The following CDH6 variants were observed in gnomAD, a reference collection of about 807,000 sequenced individuals.
CDH6 encodes cadherin 6.
A neutral mutation model predicts 78.0 loss-of-function variants in CDH6; 31 were observed. The ratio of observed to expected loss-of-function variants is 0.40; its 90% confidence interval spans 0.30 to 0.54. CDH6 has a LOEUF of 0.54. CDH6 is among the 20% of genes least tolerant of loss of function. The pLI, the probability that CDH6 is intolerant of heterozygous loss-of-function variation, is 0.56. For synonymous variants in CDH6, 376 were observed against 368.8 expected, an observed-to-expected ratio of 1.02 and a Z score of -0.23; for missense variants, 724 against 975.9, an observed-to-expected ratio of 0.74 and a Z score of 3.44.
At chr5:31,212,336 C>A (rs1007781350) in intron 1 of CDH6, among the ~76,000 whole-genome samples, 1 of 152,128 alleles carries the variant, frequency 6.6e-6, no homozygotes, top group Non-Finnish European at 1.5e-5. Flanking sequence ...TTTTAAGCAA[C>A]CTGCAAGCTT....
At chr5:31,215,964 A>G (rs1740849593) in intron 1 of CDH6, among the ~76,000 whole-genome samples, 1 of 152,180 alleles carries the variant, frequency 6.6e-6, no homozygotes, top group Non-Finnish European at 1.5e-5. Context: ...ACTCACCATC[A>G]TAAAGTAGGA....
chr5:31,272,456 C>G (rs1742554360), intron 2 of CDH6, among the ~76,000 whole-genome samples: 1 of 152,134 alleles, frequency 6.6e-6, no homozygotes, highest in South Asian at 2.1e-4. Context: ...ACTCTCTAGC[C>G]TGTTTTATGT....
rs1336302057 is a variant in CDH6 at position 31,328,465 on chromosome 5, C to T, written c.*5157C>T. 4.8e-6 allele frequency: 1 copy of T among 206,876 alleles called. No individual in the cohort carries two copies. Among genetic ancestry groups the T allele is most frequent in the African/African-American group, 2.3e-5 (1 of 43,882 alleles). The allele number at this position is 206,876 out of a possible 1,614,324, so 12.8% of individuals were successfully genotyped here. ...GGAATGCTGTGTAGCAAATGTAAAA[C>T]TGACCTGCTCGGAAGAAACGTAGGA... On this transcript the variant is annotated 3_prime_UTR_variant, in exon 12 of 12. Coordinates refer to ENST00000265071, the MANE Select transcript of CDH6 (RefSeq NM_004932.4).
chr5:31,302,792 GAGAGAGAGAAAGAA>G (rs1243225780), intron 6 of CDH6, among the ~76,000 whole-genome samples: 123 of 58,598 alleles, frequency 2.1e-3, no homozygotes, highest in African/African-American at 5.3e-3. Context: ...GAGAGAGAGA[GAGAGAGAGAAAGAA>G]AGAAAGAAAG....
chr5:31,262,681 C>T (rs916898775), intron 1 of CDH6, among the ~76,000 whole-genome samples: 3 of 152,062 alleles, frequency 2.0e-5, no homozygotes, highest in African/African-American at 7.2e-5. Flanking sequence ...GCTTTTCCTC[C>T]CTCCCACCAT....
At chr5:31,256,917 T>G (rs1370103266) in intron 1 of CDH6, among the ~76,000 whole-genome samples, 2 of 152,156 alleles carry the variant, frequency 1.3e-5, no homozygotes, top group Non-Finnish European at 2.9e-5. Flanking sequence ...AGAGGTGGAA[T>G]AGCTTGTCTG....
chr5:31,287,251 A>G (rs1157232096), intron 2 of CDH6, among the ~76,000 whole-genome samples: 1 of 152,112 alleles, frequency 6.6e-6, no homozygotes, highest in Non-Finnish European at 1.5e-5. Context: ...ACCAGCATAT[A>G]AGGGGCAGAT....
At chr5:31,266,794 AC>A (rs746816670) in intron 1 of CDH6, among the ~76,000 whole-genome samples, 22 of 152,198 alleles carry the variant, frequency 1.4e-4, no homozygotes, top group Middle Eastern at 3.2e-3. Flanking sequence ...GTCTTTTCCA[AC>A]CTTATTTGAC....
At position 31,207,945 on chromosome 5, in the gene CDH6, A is replaced by G. The variant is rs112698221; in HGVS notation, c.-129+14059A>G. Among the ~76,000 whole-genome samples, 587 of 152,278 alleles carry G rather than the reference A, an allele frequency of 3.9e-3. 7 individuals are homozygous for G. Among genetic ancestry groups the G allele is most frequent in the African/African-American group, 0.013 (552 of 41,562 alleles). On this transcript the variant is annotated intron_variant, in intron 1 of 11. Coordinates refer to ENST00000265071, the MANE Select transcript of CDH6 (RefSeq NM_004932.4). ...AGCCCAACACCAGGCCGTCGGGGCT[A>G]CAAAGTCCAGTGGGGTCAAAGGAAT...
rs1740709397 is a variant in CDH6 at position 31,211,658 on chromosome 5, G to A, written c.-129+17772G>A. On this transcript the variant is annotated intron_variant, in intron 1 of 11. Transcript: ENST00000265071. ...TTTTAGGCAAAAAAATGAGGTTCTG[G>A]GGTTGTTTTTTTTCACAAATGCATT... Among the ~76,000 whole-genome samples, 5 of 152,022 alleles carry A rather than the reference G, an allele frequency of 3.3e-5. No individual in the cohort carries two copies. In the South Asian group the frequency reaches 1.0e-3, roughly 32 times the overall value.
chr5:31,250,426 C>T, intron 1 of CDH6: 1 of 152,472 alleles, frequency 6.6e-6, no homozygotes, highest in Non-Finnish European at 1.5e-5. Flanking sequence ...ACCCACCAGG[C>T]TGTGCTGGGA....
intron 1 of CDH6, among the ~76,000 whole-genome samples, chr5:31,219,008 G>A (rs1167133334): frequency 2.6e-5 from 4 of 152,136 alleles, no homozygotes; most frequent in African/African-American, 9.7e-5. Flanking sequence ...TTCTATTAAG[G>A]TGATTTTTGG....
chr5:31,260,091 G>C (rs16900794), intron 1 of CDH6, among the ~76,000 whole-genome samples: 1 of 152,152 alleles, frequency 6.6e-6, no homozygotes, highest in Non-Finnish European at 1.5e-5. Context: ...AAGAGGCAAA[G>C]TGTGGCCCTA....
At chr5:31,256,316 G>T (rs1327904584) in intron 1 of CDH6, among the ~76,000 whole-genome samples, 1 of 152,168 alleles carries the variant, frequency 6.6e-6, no homozygotes, top group South Asian at 2.1e-4. Context: ...GATTAAAACA[G>T]ATTCCTCCCC....
intron 1 of CDH6, among the ~76,000 whole-genome samples, chr5:31,210,289 T>C (rs905676596): frequency 2.0e-5 from 3 of 151,934 alleles, no homozygotes; most frequent in Non-Finnish European, 4.4e-5. Context: ...CCGAGGTGGG[T>C]GGATTGCTTG....
intron 1 of CDH6, among the ~76,000 whole-genome samples, chr5:31,198,197 C>T (rs1740223551): frequency 6.6e-6 from 1 of 152,162 alleles, no homozygotes. Context: ...AGGCTGAATG[C>T]TCTGAGCACA....
intron 1 of CDH6, among the ~76,000 whole-genome samples, chr5:31,231,082 T>G (rs1336778111): frequency 1.3e-5 from 2 of 152,232 alleles, no homozygotes; most frequent in Non-Finnish European, 2.9e-5. Context: ...TTTCTTTTCT[T>G]CTGGATAACA....
At chr5:31,298,196 C>T (rs1201016500) in intron 4 of CDH6, among the ~76,000 whole-genome samples, 1 of 152,152 alleles carries the variant, frequency 6.6e-6, no homozygotes, top group African/African-American at 2.4e-5. Context: ...TAGCAAATAT[C>T]ATTTGTATTG....
chr5:31,279,040 C>G (rs993808877), intron 2 of CDH6, among the ~76,000 whole-genome samples: 2 of 152,094 alleles, frequency 1.3e-5, no homozygotes, highest in African/African-American at 4.8e-5. Context: ...TCAACATCCC[C>G]CAGGCAGCAA....
Sources: allele counts gnomAD v4.1 joint callset (sites outside exome capture counted in the v4.1 genomes callset), GRCh38; gene constraint gnomAD v4.1.1; transcripts MANE v1.5; gene names NCBI Gene and HGNC (gene_info 2026-07-23, HGNC 2026-07-21).